The following CTNNA3 variants were observed in gnomAD, a reference collection of about 807,000 sequenced individuals.
CTNNA3 encodes the protein catenin alpha-3.
Under a neutral mutation model 95.7 loss-of-function variants are expected in CTNNA3, and 76 were observed. The observed-to-expected ratio is 0.79, with a 90% confidence interval of 0.66 to 0.96. The LOEUF (loss-of-function observed/expected upper bound fraction) is 0.96. CTNNA3 is among the 40% of genes least tolerant of loss of function. The probability of loss-of-function intolerance (pLI) is 0.00; values close to 1 mark genes in which losing one functional copy is unlikely to be tolerated. For missense variants in CTNNA3, 1,191 were observed against 1,089.8 expected, an observed-to-expected ratio of 1.09 and a Z score of -1.31; for synonymous variants, 431 against 374.4, an observed-to-expected ratio of 1.15 and a Z score of -1.74.
chr10:66,294,167 A>G (rs764551864), intron 12 of CTNNA3, among the ~76,000 whole-genome samples: 2 of 152,196 alleles, frequency 1.3e-5, no homozygotes, highest in Non-Finnish European at 2.9e-5. Flanking sequence ...CATCTCTATC[A>G]AGAGGACATA....
At chr10:66,233,749 C>A (rs12776004) in intron 13 of CTNNA3, among the ~76,000 whole-genome samples, 17,822 of 152,132 alleles carry the variant, frequency 0.12, 1,121 homozygotes, top group African/African-American at 0.16. Flanking sequence ...TTGGAACTTG[C>A]CGTATCTTCT....
At chr10:66,324,429 T>C (rs1345168915) in intron 12 of CTNNA3, among the ~76,000 whole-genome samples, 1 of 152,190 alleles carries the variant, frequency 6.6e-6, no homozygotes, top group Admixed American at 6.5e-5. Context: ...AAGCTGTCAC[T>C]CTGGCCTTCT....
intron 15 of CTNNA3, among the ~76,000 whole-genome samples, chr10:66,064,574 A>G (rs1564613481): frequency 6.6e-6 from 1 of 152,076 alleles, no homozygotes; most frequent in African/African-American, 2.4e-5. Context: ...AAAAGCATTC[A>G]CCGTTGATGC....
intron 10 of CTNNA3, among the ~76,000 whole-genome samples, chr10:66,524,575 A>G (rs577246743): frequency 6.6e-5 from 10 of 152,296 alleles, no homozygotes; most frequent in Middle Eastern, 3.4e-3. Flanking sequence ...AATTTGAACT[A>G]GAATTTATGG....
chr10:66,289,075 T>G (rs1376300152), intron 12 of CTNNA3, among the ~76,000 whole-genome samples: 1 of 152,004 alleles, frequency 6.6e-6, no homozygotes, highest in Non-Finnish European at 1.5e-5. Context: ...CTGATGAAAT[T>G]GTACTAATTG....
intron 1 of CTNNA3, among the ~76,000 whole-genome samples, chr10:67,713,597 T>C (rs757011203): frequency 1.3e-5 from 2 of 152,162 alleles, no homozygotes; most frequent in Non-Finnish European, 2.9e-5. Flanking sequence ...TGGAATACTA[T>C]GTAGCCATAA....
rs535281580 is a variant in CTNNA3, at chr10:67,203,478, C to T, written c.843+16129G>A. Among the ~76,000 whole-genome samples, 19 of 152,240 alleles carry T rather than the reference C, an allele frequency of 1.2e-4. No individual in the cohort carries two copies. The South Asian group carries it at 1.9e-3, about 15-fold the overall frequency. ...TTAACAGTGTGAGAACAGACTAATA[C>T]GCCCTCCTACTGAAGATATGATGTC... On this transcript the variant is annotated intron_variant, in intron 6 of 17. Transcript: ENST00000433211.
intron 4 of CTNNA3, 82 bp downstream of exon 4, chr10:67,539,421 G>A: frequency 6.9e-7 from 1 of 1,445,068 alleles, no homozygotes; most frequent in Non-Finnish European, 9.6e-7. Context: ...AAGCCAAGAT[G>A]CACTAGGATC....
intron 5 of CTNNA3, among the ~76,000 whole-genome samples, chr10:67,298,781 A>T (rs901127616): frequency 4.6e-5 from 7 of 152,238 alleles, no homozygotes; most frequent in Admixed American, 4.6e-4. Flanking sequence ...AATGTTGCAC[A>T]ACTGGAACTA....
At chr10:66,535,091 A>C (rs1841605994) in intron 10 of CTNNA3, among the ~76,000 whole-genome samples, 1 of 152,098 alleles carries the variant, frequency 6.6e-6, no homozygotes, top group Non-Finnish European at 1.5e-5. Flanking sequence ...TTATTGTAAT[A>C]ATTACATATT....
At chr10:66,695,891 C>A in intron 9 of CTNNA3, among the ~76,000 whole-genome samples, 1 of 115,720 alleles carries the variant, frequency 8.6e-6, no homozygotes, top group South Asian at 3.0e-4. Flanking sequence ...CTTAGCCCAT[C>A]TAAAAATTGG....
chr10:67,640,016 G>A (rs1203215787), intron 2 of CTNNA3, among the ~76,000 whole-genome samples: 1 of 151,976 alleles, frequency 6.6e-6, no homozygotes, highest in Non-Finnish European at 1.5e-5. Flanking sequence ...GGGCAATCAG[G>A]CAGAAGGAAA....
intron 7 of CTNNA3, among the ~76,000 whole-genome samples, chr10:67,111,802 A>G (rs1858920861): frequency 6.6e-6 from 1 of 152,062 alleles, no homozygotes; most frequent in South Asian, 2.1e-4. Context: ...AATACATGCA[A>G]AGTATCCATC....
intron 16 of CTNNA3, among the ~76,000 whole-genome samples, chr10:65,985,342 C>A (rs1260717060): frequency 1.3e-5 from 2 of 151,028 alleles, no homozygotes; most frequent in Non-Finnish European, 3.0e-5. Flanking sequence ...TAATATTATA[C>A]CTCAGTCTGA....
intron 12 of CTNNA3, among the ~76,000 whole-genome samples, chr10:66,293,875 C>T (rs1009601421): frequency 1.3e-5 from 2 of 151,968 alleles, no homozygotes; most frequent in African/African-American, 4.8e-5. Flanking sequence ...ACATATTGGC[C>T]AGGCTGGTCT....
intron 7 of CTNNA3, among the ~76,000 whole-genome samples, chr10:66,829,609 T>C (rs901148890): frequency 4.6e-4 from 43 of 93,650 alleles, no homozygotes; most frequent in Non-Finnish European, 6.9e-4. Context: ...TGAGACTCTG[T>C]CTCAAAAAAA....
intron 5 of CTNNA3, among the ~76,000 whole-genome samples, chr10:67,376,584 A>T (rs547252859): frequency 4.6e-5 from 7 of 152,342 alleles, no homozygotes; most frequent in African/African-American, 1.7e-4. Context: ...AATGTCATTT[A>T]AAAAGTGGTG....
chr10:65,925,812 T>C (rs1470746874), intron 17 of CTNNA3, among the ~76,000 whole-genome samples: 1 of 152,170 alleles, frequency 6.6e-6, no homozygotes, highest in Non-Finnish European at 1.5e-5. Flanking sequence ...TATAAAACCA[T>C]ATCTTAAAAC....
rs183380124 is a variant in CTNNA3 at position 66,774,021 on chromosome 10, C to T, written c.1128+1423G>A. ...TTCAAATTTAACTGGGTGCCTTGTGCTTTTATTTGCTAAATCTGGTAATTC... is the reference window on the plus strand; with the variant it reads ...TTCAAATTTAACTGGGTGCCTTGTGTTTTTATTTGCTAAATCTGGTAATTC... On this transcript the variant is annotated intron_variant, in intron 8 of 17. Transcript: ENST00000433211. Among the ~76,000 whole-genome samples, 702 of 152,268 alleles carry T rather than the reference C, an allele frequency of 4.6e-3. 5 individuals carry two copies. Among genetic ancestry groups the T allele is most frequent in the African/African-American group, 0.016 (683 of 41,550 alleles).
Sources: gnomAD v4.1 joint callset for allele counts (sites outside exome capture counted in the v4.1 genomes callset) on GRCh38, gnomAD v4.1.1 for gene constraint, MANE v1.5 for transcripts, NCBI Gene and HGNC (gene_info 2026-07-23, HGNC 2026-07-21) for gene names.